The following AUTS2 variants were observed in gnomAD, a reference collection of about 807,000 sequenced individuals.
AUTS2 encodes activator of transcription and developmental regulator AUTS2.
In AUTS2, 17 loss-of-function variants were observed where a neutral mutation model predicts 112.4. The ratio of observed to expected loss-of-function variants is 0.15; its 90% CI spans 0.10 to 0.23. The LOEUF is 0.23. Among genes scored for constraint, AUTS2 ranks in the 10% least tolerant of loss-of-function variants. The pLI is 1.00. For synonymous variants in AUTS2, 751 were observed against 702.7 expected (o/e 1.07, Z -1.09); for missense variants, 1,510 against 1,701.6 (o/e 0.89, Z 1.98).
chr7:69,954,236 A>G (rs935587555), intron 2 of AUTS2, among the ~76,000 whole-genome samples: 1 of 152,160 alleles, frequency 6.6e-6, no homozygotes, highest in African/African-American at 2.4e-5. Flanking sequence ...TTTATGCCAC[A>G]TAGTGACTAT....
At chr7:70,482,994 T>C (rs2116235714) in intron 5 of AUTS2, among the ~76,000 whole-genome samples, 1 of 152,358 alleles carries the variant, frequency 6.6e-6, no homozygotes, top group Non-Finnish European at 1.5e-5. Context: ...GTTTATTTTT[T>C]CTATTGAGTT....
chr7:70,358,964 T>A (rs1442399753), intron 4 of AUTS2, among the ~76,000 whole-genome samples: 1 of 152,258 alleles, frequency 6.6e-6, no homozygotes, highest in African/African-American at 2.4e-5. Context: ...TTAGATTCAA[T>A]ACTGGAAAGT....
intron 5 of AUTS2, among the ~76,000 whole-genome samples, chr7:70,593,778 G>A (rs1472692514): frequency 2.0e-5 from 3 of 152,296 alleles, no homozygotes; most frequent in African/African-American, 4.8e-5. Context: ...GGCTGCAGGC[G>A]CAGGGACTTG....
intron 1 of AUTS2, among the ~76,000 whole-genome samples, chr7:69,704,256 C>T (rs913106578): frequency 2.0e-4 from 31 of 152,040 alleles, no homozygotes; most frequent in African/African-American, 7.5e-4. Context: ...ATATTAGGCT[C>T]TCTACAGTCT....
At chr7:70,423,586 C>G (rs1181431945) in intron 4 of AUTS2, among the ~76,000 whole-genome samples, 1 of 152,142 alleles carries the variant, frequency 6.6e-6, no homozygotes, top group Non-Finnish European at 1.5e-5. Context: ...TCCCTGTGTG[C>G]AGGTTACTGA....
chr7:70,164,017 G>T, intron 4 of AUTS2, among the ~76,000 whole-genome samples: 1 of 152,162 alleles, frequency 6.6e-6, no homozygotes, highest in Middle Eastern at 3.2e-3. Context: ...GGGAAGAAAC[G>T]CAGACACCCT....
At chr7:69,838,186 G>A (rs1383459946) in intron 1 of AUTS2, among the ~76,000 whole-genome samples, 1 of 152,186 alleles carries the variant, frequency 6.6e-6, no homozygotes, top group Admixed American at 6.6e-5. Context: ...TTTGGCAAAA[G>A]TCAGTGGTCA....
chr7:69,862,041 G>A (rs1167327860), intron 1 of AUTS2, among the ~76,000 whole-genome samples: 1 of 152,086 alleles, frequency 6.6e-6, no homozygotes, highest in African/African-American at 2.4e-5. Flanking sequence ...CTCAATTTGG[G>A]GCACCTGCCG....
Position 70,786,023 on chromosome 7 carries a change from G to A in AUTS2, c.2293G>A (p.Gly765Arg). Reference sequence around the variant, plus strand: ...TGGTGGCAATGCCTTCGGGGGACTTGGAAATCCTTCCGTTAGTGAGTACCT... The same window carrying A: ...TGGTGGCAATGCCTTCGGGGGACTTAGAAATCCTTCCGTTAGTGAGTACCT... ...AVGGNAFGGL[G>R]NPSVTPNSMF... Residue 765 changes from glycine (G) to arginine (R), a missense_variant, in exon 17 of 19, where the codon GGA becomes AGA. Physicochemically the swap from Gly to Arg is moderately radical, Grantham distance 125. Coordinates refer to ENST00000342771, the MANE Select transcript of AUTS2 (RefSeq NM_015570.4). 6.2e-7 allele frequency: 1 copy of A among 1,614,066 alleles called. No homozygotes were observed. The highest frequency in any genetic ancestry group is 8.5e-7 in the Non-Finnish European group (1 of 1,179,938).
At position 70,785,101 on chromosome 7, in the gene AUTS2, G is replaced by A. The variant is rs78343289; in HGVS notation, c.2224+82G>A. ...TTTACCATGCTCCCGCTGCACCTCC[G>A]GGCAAGCTGGTGGGAGTCCCAGATA... On this transcript the variant is annotated intron_variant, in intron 16 of 18. Transcript: ENST00000342771. The A allele has an allele frequency of 1.3e-4, 197 of 1,460,756 alleles. No individual in the cohort carries two copies. In the Middle Eastern group the frequency reaches 2.6e-3, roughly 19 times the overall value. 90.5% of individuals were successfully genotyped at this position (1,460,756 alleles called of 1,614,324 possible).
intron 4 of AUTS2, among the ~76,000 whole-genome samples, chr7:70,278,710 A>C (rs1788063441): frequency 6.6e-6 from 1 of 152,248 alleles, no homozygotes; most frequent in Non-Finnish European, 1.5e-5. Context: ...CTGAATGTTT[A>C]TAATTTAAAG....
At chr7:70,448,748 G>A (rs1350117203) in intron 5 of AUTS2, among the ~76,000 whole-genome samples, 5 of 152,152 alleles carry the variant, frequency 3.3e-5, no homozygotes, top group Non-Finnish European at 5.9e-5. Context: ...TTTACTGGAC[G>A]TCCAATGCTG....
At chr7:70,682,635 T>C (rs1808267722) in intron 5 of AUTS2, among the ~76,000 whole-genome samples, 1 of 152,232 alleles carries the variant, frequency 6.6e-6, no homozygotes, top group Non-Finnish European at 1.5e-5. Context: ...GCAGTGTTGA[T>C]TGAGGCTGAC....
chr7:70,231,144 T>C (rs1338398793), intron 4 of AUTS2, among the ~76,000 whole-genome samples: 1 of 152,236 alleles, frequency 6.6e-6, no homozygotes, highest in Admixed American at 6.5e-5. Flanking sequence ...GTTTCATTGT[T>C]TATTTTTGTG....
At position 69,599,881 on chromosome 7, in the gene AUTS2, G is replaced by A. The variant is rs756725295; in HGVS notation, c.228G>A (p.Lys76=). The A allele has an allele frequency of 2.8e-5, 45 of 1,613,400 alleles. No individual in the cohort carries two copies. In the East Asian group the frequency reaches 8.9e-4, roughly 32 times the overall value. Residue 76 remains lysine (K), a synonymous_variant, in exon 1 of 19, where the codon AAG becomes AAA. Coordinates refer to ENST00000342771, the MANE Select transcript of AUTS2 (RefSeq NM_015570.4). The surrounding 1 kb of genome is among the most constrained non-coding windows in gnomAD (Gnocchi z 7.0). Reference sequence around the variant, plus strand: ...CCCGGCCCAGACCCCCGCGGAGGAAGCGGAGAGAGTCCACCTCGGCAGAAG... The same window carrying A: ...CCCGGCCCAGACCCCCGCGGAGGAAACGGAGAGAGTCCACCTCGGCAGAAG... ...APSRPRPPRR[K]RRESTSAEED... is the part of the protein sequence containing the mutation.
At chr7:70,466,612 A>G (rs1401273916) in intron 5 of AUTS2, among the ~76,000 whole-genome samples, 1 of 152,234 alleles carries the variant, frequency 6.6e-6, no homozygotes, top group African/African-American at 2.4e-5. Context: ...TACATGATCA[A>G]TTCTATAGCT....
intron 4 of AUTS2, among the ~76,000 whole-genome samples, chr7:70,280,450 A>ATTTTTTTT (rs35280015): frequency 1.6e-5 from 2 of 121,864 alleles, no homozygotes; most frequent in Non-Finnish European, 1.7e-5. Flanking sequence ...TGCCCGGCTG[A>ATTTTTTTT]TTTTTTTTTT....
intron 1 of AUTS2, among the ~76,000 whole-genome samples, chr7:69,705,998 A>G (rs529856691): frequency 6.6e-6 from 1 of 152,170 alleles, no homozygotes; most frequent in South Asian, 2.1e-4. Flanking sequence ...CTCTCCAAAT[A>G]CGGTTTCATT....
intron 5 of AUTS2, among the ~76,000 whole-genome samples, chr7:70,681,622 G>A (rs576965027): frequency 7.2e-5 from 11 of 151,790 alleles, no homozygotes; most frequent in Admixed American, 2.0e-4. Flanking sequence ...ACCCCAACCC[G>A]CCCACTTTGC....
Sources: gnomAD v4.1 joint callset for allele counts (sites outside exome capture counted in the v4.1 genomes callset) on GRCh38, gnomAD v4.1.1 for gene constraint, Gnocchi (gnomAD v3.1) non-coding constraint, MANE v1.5 for transcripts, NCBI Gene and HGNC (gene_info 2026-07-23, HGNC 2026-07-21) for gene names.